The following EP300 variants were observed in gnomAD, a reference collection of about 807,000 sequenced individuals.
The protein encoded by EP300 is EP300 lysine acetyltransferase, also known as histone acetyltransferase p300.
EP300 carries 31 observed loss-of-function variants against 264.0 expected under a neutral mutation model. The observed-to-expected ratio is 0.12, with a 90% CI of 0.09 to 0.16. EP300 has a LOEUF of 0.16. Among genes scored for constraint, EP300 ranks in the 10% least tolerant of loss-of-function variants. The pLI is 1.00. For synonymous variants in EP300, 1,340 were observed against 1,045.4 expected, an observed-to-expected ratio of 1.28 and a Z score of -5.44; for missense variants, 2,766 against 3,052.9, an observed-to-expected ratio of 0.91 and a Z score of 2.21.
intron 2 of EP300, among the ~76,000 whole-genome samples, chr22:41,120,206 T>C (rs924734339): frequency 1.3e-5 from 2 of 152,196 alleles, no homozygotes; most frequent in East Asian, 3.8e-4. Context: ...TTAACAAATG[T>C]TTTAAGTTAT....
At chr22:41,164,560 A>G (rs1423318464) in intron 22 of EP300, among the ~76,000 whole-genome samples, 2 of 152,080 alleles carry the variant, frequency 1.3e-5, no homozygotes, top group Admixed American at 6.6e-5. Flanking sequence ...GAAAATACAA[A>G]AATTAGCCTG....
chr22:41,121,208 T>C (rs1358340411), intron 2 of EP300, among the ~76,000 whole-genome samples: 1 of 152,210 alleles, frequency 6.6e-6, no homozygotes, highest in East Asian at 1.9e-4. Flanking sequence ...GCATTTCTTG[T>C]AGCTGCCTAG....
rs368047586 is a variant in EP300, at chr22:41,137,834, C to T, written c.1760+44C>T. ...ACGTCTCATTCGTAAAGAGATGTTACGTCAACATGTTTTCAATCTCCTGGG... is the reference window on the plus strand; with the variant it reads ...ACGTCTCATTCGTAAAGAGATGTTATGTCAACATGTTTTCAATCTCCTGGG... On this transcript the variant is annotated intron_variant, in intron 8 of 30. Transcript: ENST00000263253. 7.4e-6 allele frequency: 12 copies of T among 1,613,098 alleles called. No homozygotes were observed. The East Asian group carries it at 1.1e-4, about 15-fold the overall frequency.
intron 27 of EP300, 42 bp downstream of exon 27, chr22:41,170,613 G>A (rs1455998698): frequency 6.7e-7 from 1 of 1,502,966 alleles, no homozygotes; most frequent in South Asian, 1.1e-5. Flanking sequence ...AATAGATCTG[G>A]AAATGCACTA....
At chr22:41,148,087 C>T (rs2059022833) in intron 12 of EP300, 141 bp downstream of exon 12, 16 of 695,646 alleles carry the variant, frequency 2.3e-5, no homozygotes, top group Non-Finnish European at 3.3e-5. Flanking sequence ...GTATTTAACT[C>T]TACTAGAAAG....
intron 29 of EP300, 89 bp from the exon 30 acceptor site, chr22:41,176,158 T>G (rs1393144886): frequency 6.8e-7 from 1 of 1,477,090 alleles, no homozygotes; most frequent in Non-Finnish European, 9.4e-7. Flanking sequence ...AGGCAGAGGT[T>G]GTAGTGAGCC....
At chr22:41,168,634 AT>A in intron 24 of EP300, 35 bp downstream of exon 24, 1 of 1,614,202 alleles carries the variant, frequency 6.2e-7, no homozygotes, top group Non-Finnish European at 8.5e-7. Flanking sequence ...CTCCTCGTGG[AT>A]CCAAAATTGC....
intron 7 of EP300, among the ~76,000 whole-genome samples, chr22:41,136,529 C>T (rs993954772): frequency 4.6e-5 from 7 of 152,006 alleles, no homozygotes; most frequent in Non-Finnish European, 7.4e-5. Flanking sequence ...GGCATGGTGG[C>T]GTGCACCTGT....
rs1462224675 is a variant in EP300 at position 41,119,174 on chromosome 22, TA to T, written c.729+1354del. On this transcript the variant is annotated intron_variant, in intron 2 of 30. Coordinates refer to ENST00000263253, the MANE Select transcript of EP300 (RefSeq NM_001429.4). ...CATACCACCATGCCTGGCTTATTAT[TA>T]TTTTTTTTTTTTTTTTTTTTTTTTT... Among the ~76,000 whole-genome samples the T allele has an allele frequency of 1.1e-4, 13 of 121,752 alleles. 2 individuals are homozygous for T. Among genetic ancestry groups the T allele is most frequent in the East Asian group, 5.1e-4 (2 of 3,940 alleles). The allele number at this position is 121,752 out of a possible 152,430, so 79.9% of individuals were successfully genotyped here. A position where few individuals can be genotyped will look rare whatever the true frequency, so the allele number is the denominator to read the frequency against.
rs770447172 is a variant in EP300, at chr22:41,164,105, C to T, written c.3781C>T (p.His1261Tyr). The stretch of plus-strand genomic sequence containing the variant: ...AAAGATGCATCAGATCTGTGTCCTT[C>T]ACCATGAGATCATCTGGCCTGCTGG... ...GRKMHQICVL[H>Y]HEIIWPAGFV... The change falls in exon 22 of 31, where the codon CAC (histidine) becomes TAC (tyrosine). Residue 1261 changes from histidine to tyrosine, a missense_variant. Transcript: ENST00000263253. The T allele has an allele frequency of 6.2e-7, 1 of 1,614,102 alleles. No homozygotes were observed. Among genetic ancestry groups the T allele is most frequent in the Non-Finnish European group, 8.5e-7 (1 of 1,180,008 alleles).
At chr22:41,133,727 T>G (rs2058933719) in intron 6 of EP300, among the ~76,000 whole-genome samples, 1 of 152,198 alleles carries the variant, frequency 6.6e-6, no homozygotes, top group African/African-American at 2.4e-5. Flanking sequence ...CATTTTTGGT[T>G]TTTGAATTAA....
rs2059229570 is a variant in EP300, at chr22:41,179,726, C to T, written c.*770C>T. 4.4e-6 allele frequency: 1 copy of T among 229,740 alleles called. No individual in the cohort carries two copies. The highest frequency in any genetic ancestry group is 2.2e-5 in the African/African-American group (1 of 44,928). The allele number at this position is 229,740 out of a possible 1,614,324, so 14.2% of individuals were successfully genotyped here. On this transcript the variant is annotated 3_prime_UTR_variant, in exon 31 of 31. Transcript: ENST00000263253. The stretch of plus-strand genomic sequence containing the variant: ...GTATTATATATTGTGGTTTCTGTTT[C>T]TTGAAAGAATTTTTTTCGTTATTTT...
Position 41,092,993 on chromosome 22 carries a change from A to C in EP300, c.-12A>C, listed in dbSNP as rs749078997. ...CTGGTTTTCCTCGCTTGTATCTCCG[A>C]AAGAATTAAAAATGGCCGAGAATGT... is the stretch of plus-strand genomic sequence containing the variant. On this transcript the variant is annotated 5_prime_UTR_variant, in exon 1 of 31. Transcript: ENST00000263253. 6 of 1,613,910 alleles carry C rather than the reference A, an allele frequency of 3.7e-6. No individual in the cohort carries two copies.
At position 41,113,162 on chromosome 22, in the gene EP300, C is replaced by CCCCA. The variant is rs954211358; in HGVS notation, c.95-4022_95-4021insACCC. Among the ~76,000 whole-genome samples, 18 of 139,874 alleles carry CCCCA rather than the reference C, an allele frequency of 1.3e-4. 4 individuals carry two copies. Among genetic ancestry groups the CCCCA allele is most frequent in the East Asian group, 4.5e-4 (2 of 4,434 alleles). 91.8% of individuals were successfully genotyped at this position (139,874 alleles called of 152,430 possible). On this transcript the variant is annotated intron_variant, in intron 1 of 30. Transcript: ENST00000263253. The stretch of plus-strand genomic sequence containing the variant: ...CTTGTTTGAATCAGGATTCCACCCC[C>CCCCA]CCCCCAACTTATGCTATGGATTTGT...
intron 1 of EP300, among the ~76,000 whole-genome samples, chr22:41,104,701 A>G (rs1350170027): frequency 6.6e-6 from 1 of 152,210 alleles, no homozygotes; most frequent in Non-Finnish European, 1.5e-5. Flanking sequence ...TTCTTGATCA[A>G]TTAAAGCACT....
At chr22:41,160,767 C>T (rs753202579) in intron 20 of EP300, 45 bp downstream of exon 20, 3 of 1,544,262 alleles carry the variant, frequency 1.9e-6, no homozygotes, top group Middle Eastern at 1.7e-4. Context: ...AGTTTGTTGT[C>T]CAGTGATTAT....
chr22:41,129,496 C>A (rs889516932), intron 4 of EP300, among the ~76,000 whole-genome samples: 4 of 152,194 alleles, frequency 2.6e-5, no homozygotes, highest in African/African-American at 7.2e-5. Flanking sequence ...ATACAATTTA[C>A]TGCAGTCATT....
chr22:41,094,773 T>C (rs1304051562), intron 1 of EP300, among the ~76,000 whole-genome samples: 2 of 152,230 alleles, frequency 1.3e-5, no homozygotes, highest in Non-Finnish European at 2.9e-5. Context: ...TAGTCGATTT[T>C]ACATTGGAGT....
In EP300 at chr22:41,147,751, GAT is replaced by G. The variant is rs2059020174; in HGVS notation, c.2132-84_2132-83del. 7 of 934,748 alleles carry G rather than the reference GAT, an allele frequency of 7.5e-6. No individual in the cohort carries two copies. The East Asian group carries it at 1.8e-4, about 24-fold the overall frequency. The allele number at this position is 934,748 out of a possible 1,614,324, so 57.9% of individuals were successfully genotyped here. The stretch of plus-strand genomic sequence containing the variant: ...AGACTCCGTCTCAAAAAAAAAAAAA[GAT>G]ACAGAATCAGACATAAGAATTCTAT... On this transcript the variant is annotated intron_variant, in intron 11 of 30. Transcript: ENST00000263253.
Sources: gnomAD v4.1 joint callset for allele counts (sites outside exome capture counted in the v4.1 genomes callset) on GRCh38, gnomAD v4.1.1 for gene constraint, MANE v1.5 for transcripts, NCBI Gene and HGNC (gene_info 2026-07-23, HGNC 2026-07-21) for gene names.